ZFHX3: variants seen among roughly 807,000 people sequenced by gnomAD.
The protein encoded by ZFHX3 is zinc finger homeobox protein 3.
In ZFHX3, 42 loss-of-function variants were observed where a neutral mutation model predicts 279.1. That is an observed-to-expected ratio of 0.15 (90% confidence interval 0.12 to 0.19). The LOEUF (loss-of-function observed/expected upper bound fraction) is 0.19, where lower values mean the gene tolerates loss of function less well. ZFHX3 is among the 10% of genes least tolerant of loss of function. The pLI is 1.00. For synonymous variants in ZFHX3, 2,293 were observed against 1,957.8 expected, an observed-to-expected ratio of 1.17 and a Z score of -4.52; for missense variants, 4,981 against 4,754.0, an observed-to-expected ratio of 1.05 and a Z score of -1.40.
At chr16:72,873,709 C>T (rs530467577) in intron 4 of ZFHX3, among the ~76,000 whole-genome samples, 39 of 152,178 alleles carry the variant, frequency 2.6e-4, no homozygotes, top group Admixed American at 5.9e-4. Context: ...AGTATGAAGA[C>T]GAAAATTGTC....
intron 1 of ZFHX3, among the ~76,000 whole-genome samples, chr16:73,021,615 G>A (rs1222601062): frequency 6.6e-6 from 1 of 151,990 alleles, no homozygotes; most frequent in Non-Finnish European, 1.5e-5. Flanking sequence ...TAGATCACCT[G>A]AGGTCAGGAG....
At chr16:73,483,721 G>A (rs1056551842) in intron 2 of ZFHX3, among the ~76,000 whole-genome samples, 1 of 152,038 alleles carries the variant, frequency 6.6e-6, no homozygotes, top group Admixed American at 6.6e-5. Flanking sequence ...ATCGACAAAG[G>A]CTCGACACAG....
intron 1 of ZFHX3, among the ~76,000 whole-genome samples, chr16:73,741,184 C>T (rs576988970): frequency 5.9e-5 from 9 of 152,056 alleles, no homozygotes; most frequent in Middle Eastern, 3.4e-3. Context: ...GCGCCTGCCA[C>T]GACGCCCAGC....
chr16:73,070,472 G>C (rs1380632330), intron 8 of ZFHX3, among the ~76,000 whole-genome samples: 4 of 151,994 alleles, frequency 2.6e-5, no homozygotes, highest in Middle Eastern at 3.4e-3. Flanking sequence ...TTATAAAAGC[G>C]AATAGCTTTT....
chr16:73,233,186 C>G (rs553293961), intron 5 of ZFHX3: 1 of 151,302 alleles, frequency 6.6e-6, no homozygotes, highest in African/African-American at 2.4e-5. Context: ...GTGGGAAGCT[C>G]CGACGGGAAT....
intron 1 of ZFHX3, among the ~76,000 whole-genome samples, chr16:73,751,938 G>A (rs192458645): frequency 6.6e-6 from 1 of 152,334 alleles, no homozygotes; most frequent in East Asian, 1.9e-4. Flanking sequence ...GAGAAAAGAA[G>A]CCAGGTCAAT....
At position 72,971,240 on chromosome 16, in the gene ZFHX3, G is replaced by A. The variant is rs1962092229; in HGVS notation, c.-49-11046C>T. Among the ~76,000 whole-genome samples, 3 of 152,022 alleles carry A rather than the reference G, an allele frequency of 2.0e-5. No homozygotes were observed. In the South Asian group the frequency reaches 6.2e-4, roughly 32 times the overall value. ...TAATTTCCACCAAATGCTATTATTA[G>A]ACATTTAAACAATTCCCAATATTTT... On this transcript the variant is annotated intron_variant, in intron 1 of 9. Transcript: ENST00000268489.
At chr16:73,466,505 C>A (rs2018573061) in intron 2 of ZFHX3, among the ~76,000 whole-genome samples, 1 of 152,082 alleles carries the variant, frequency 6.6e-6, no homozygotes, top group African/African-American at 2.4e-5. Context: ...CCATCACCAC[C>A]AAAACCCCAC....
chr16:73,862,469 A>G (rs919730447), intron 1 of ZFHX3, among the ~76,000 whole-genome samples: 3 of 152,180 alleles, frequency 2.0e-5, no homozygotes, highest in Non-Finnish European at 4.4e-5. Context: ...AGCCAGACCA[A>G]AGAAGTATAG....
chr16:72,883,163 C>A (rs889947283), intron 4 of ZFHX3, among the ~76,000 whole-genome samples: 2 of 152,054 alleles, frequency 1.3e-5, no homozygotes, highest in African/African-American at 4.8e-5. Flanking sequence ...GCAATTGGCA[C>A]TGACCTTTGC....
intron 1 of ZFHX3, among the ~76,000 whole-genome samples, chr16:73,758,371 C>G (rs1308574008): frequency 6.6e-6 from 1 of 152,144 alleles, no homozygotes; most frequent in Non-Finnish European, 1.5e-5. Context: ...TCAGAGATAA[C>G]AGTTTTCTAA....
intron 1 of ZFHX3, chr16:73,794,260 T>A (rs1220980980): frequency 6.6e-6 from 1 of 151,882 alleles, no homozygotes; most frequent in Non-Finnish European, 1.5e-5. Context: ...TGTGAAGGAG[T>A]GTCTTCCATG....
intron 8 of ZFHX3, among the ~76,000 whole-genome samples, chr16:73,083,742 C>T (rs1380091817): frequency 6.6e-6 from 1 of 152,156 alleles, no homozygotes; most frequent in Non-Finnish European, 1.5e-5. Flanking sequence ...GTGGCCCAGG[C>T]TGGTCTCAAA....
intron 5 of ZFHX3, among the ~76,000 whole-genome samples, chr16:73,185,132 TATAGGCAGTCA>T (rs1240903743): frequency 6.6e-6 from 1 of 152,086 alleles, no homozygotes; most frequent in Non-Finnish European, 1.5e-5. Flanking sequence ...TACCATCTCT[TATAGGCAGTCA>T]ATATTTTAAA....
intron 3 of ZFHX3, among the ~76,000 whole-genome samples, chr16:73,451,327 G>A (rs1048616269): frequency 7.9e-5 from 12 of 152,156 alleles, no homozygotes; most frequent in African/African-American, 2.9e-4. Flanking sequence ...AGAATCGAGA[G>A]CCCCTACGAT....
At chr16:72,823,862 C>T (rs1329146057) in intron 5 of ZFHX3, among the ~76,000 whole-genome samples, 1 of 152,262 alleles carries the variant, frequency 6.6e-6, no homozygotes, top group South Asian at 2.1e-4. Flanking sequence ...GAACCCAGGG[C>T]TTCTGACTCC....
intron 5 of ZFHX3, among the ~76,000 whole-genome samples, chr16:73,182,480 T>C (rs1967818889): frequency 6.6e-6 from 1 of 151,518 alleles, no homozygotes; most frequent in African/African-American, 2.4e-5. Context: ...AAAAACAGTA[T>C]GGAGATCTCA....
intron 7 of ZFHX3, among the ~76,000 whole-genome samples, chr16:73,130,101 C>T (rs1264949120): frequency 6.6e-6 from 1 of 152,164 alleles, no homozygotes; most frequent in Non-Finnish European, 1.5e-5. Context: ...CCACTGGGTT[C>T]TGTTATCCCA....
chr16:73,399,837 GGTGTGTGT>G (rs4011546), intron 3 of ZFHX3, among the ~76,000 whole-genome samples: 8 of 148,280 alleles, frequency 5.4e-5, no homozygotes, highest in African/African-American at 1.2e-4. Flanking sequence ...TGTGGTGTGT[GGTGTGTGT>G]GTGTGTGTGT....
Sources: allele counts gnomAD v4.1 joint callset (sites outside exome capture counted in the v4.1 genomes callset), GRCh38; gene constraint gnomAD v4.1.1; transcripts MANE v1.5; gene names NCBI Gene and HGNC (gene_info 2026-07-23, HGNC 2026-07-21).